Variants in PSD3 observed in about 807,000 individuals in gnomAD.
PSD3 encodes the protein PH and SEC7 domain-containing protein 3.
A neutral mutation model predicts 105.5 loss-of-function variants in PSD3; 49 were observed. That is an observed-to-expected ratio of 0.46 (90% confidence interval 0.37 to 0.59). The LOEUF (loss-of-function observed/expected upper bound fraction) is 0.59. PSD3 is among the 20% of genes least tolerant of loss of function. The probability of loss-of-function intolerance (pLI) is 0.00; values close to 1 mark genes in which losing one functional copy is unlikely to be tolerated. For missense variants in PSD3, 1,561 were observed against 1,263.8 expected (o/e 1.24, Z -3.57); for synonymous variants, 557 against 457.8 (o/e 1.22, Z -2.77).
chr8:18,596,296 G>C (rs1333341533), intron 12 of PSD3, among the ~76,000 whole-genome samples: 1 of 151,938 alleles, frequency 6.6e-6, no homozygotes, highest in Non-Finnish European at 1.5e-5. Context: ...CTTAACATTA[G>C]AAAAGAAGAA....
chr8:18,539,595 T>A (rs1303778446), intron 15 of PSD3, among the ~76,000 whole-genome samples: 1 of 150,344 alleles, frequency 6.7e-6, no homozygotes, highest in East Asian at 2.0e-4. Context: ...GTCTCCAGGC[T>A]GGAGGGCAGT....
intron 2 of PSD3, among the ~76,000 whole-genome samples, chr8:18,919,380 G>T (rs1018646417): frequency 1.3e-5 from 2 of 151,888 alleles, no homozygotes; most frequent in Non-Finnish European, 2.9e-5. Flanking sequence ...CACAGTTATT[G>T]CCCCTGACCC....
intron 1 of PSD3, among the ~76,000 whole-genome samples, chr8:18,955,569 T>G (rs1401984671): frequency 1.3e-5 from 2 of 152,170 alleles, no homozygotes; most frequent in African/African-American, 4.8e-5. Context: ...TTTCTTTACA[T>G]TCTTTTCTGA....
At chr8:18,947,176 C>T (rs150639459) in intron 1 of PSD3, among the ~76,000 whole-genome samples, 2,284 of 152,068 alleles carry the variant, frequency 0.015, 36 homozygotes, top group Middle Eastern at 0.088. Flanking sequence ...GAGAGCTTCA[C>T]GGACAAAACA....
At chr8:18,796,041 C>T (rs568917813) in intron 8 of PSD3, among the ~76,000 whole-genome samples, 38 of 152,114 alleles carry the variant, frequency 2.5e-4, no homozygotes, top group African/African-American at 3.9e-4. Context: ...ATTCACCACA[C>T]GACTACAATT....
chr8:18,667,827 C>G (rs1335907177), intron 9 of PSD3, among the ~76,000 whole-genome samples: 1 of 152,198 alleles, frequency 6.6e-6, no homozygotes, highest in Non-Finnish European at 1.5e-5. Flanking sequence ...AGCCCTGCCC[C>G]GCAGGGAGGC....
intron 9 of PSD3, among the ~76,000 whole-genome samples, chr8:18,700,428 A>G (rs2131034258): frequency 6.6e-6 from 1 of 152,364 alleles, no homozygotes; most frequent in East Asian, 1.9e-4. Context: ...CAAGCTCTTA[A>G]AGATATAACA....
chr8:18,675,097 G>T (rs560582201), intron 9 of PSD3, among the ~76,000 whole-genome samples: 2 of 152,276 alleles, frequency 1.3e-5, no homozygotes, highest in East Asian at 3.9e-4. Flanking sequence ...GTCAAGAGCT[G>T]CTTCTCTCAA....
At chr8:18,860,473 G>A (rs1192482858) in intron 4 of PSD3, among the ~76,000 whole-genome samples, 3 of 150,892 alleles carry the variant, frequency 2.0e-5, no homozygotes, top group African/African-American at 4.9e-5. Flanking sequence ...AAAAAAAACA[G>A]AGTATCTTCA....
At chr8:18,711,881 T>C (rs1470257726) in intron 9 of PSD3, among the ~76,000 whole-genome samples, 1 of 152,116 alleles carries the variant, frequency 6.6e-6, no homozygotes, top group African/African-American at 2.4e-5. Flanking sequence ...TAATTGGAAG[T>C]AAAACACTCC....
intron 8 of PSD3, among the ~76,000 whole-genome samples, chr8:18,778,937 G>C (rs1433737180): frequency 6.6e-6 from 1 of 151,942 alleles, no homozygotes; most frequent in Non-Finnish European, 1.5e-5. Context: ...ATCCTTATCT[G>C]GTTCTGGCAT....
intron 8 of PSD3, among the ~76,000 whole-genome samples, chr8:18,767,600 A>G (rs1418441343): frequency 1.3e-5 from 2 of 152,028 alleles, no homozygotes; most frequent in African/African-American, 2.4e-5. Flanking sequence ...TACATAAATT[A>G]GCCGGGTGCA....
chr8:18,747,792 C>T (rs1299483302), intron 9 of PSD3, among the ~76,000 whole-genome samples: 15 of 151,128 alleles, frequency 9.9e-5, no homozygotes, highest in African/African-American at 3.4e-4. Context: ...CAAGAAAAGG[C>T]TATTTTTCTT....
At chr8:18,790,157 A>G (rs1361282756) in intron 8 of PSD3, among the ~76,000 whole-genome samples, 2 of 152,156 alleles carry the variant, frequency 1.3e-5, no homozygotes, top group East Asian at 3.9e-4. Flanking sequence ...ATCCAACAAA[A>G]TTGACCAGTG....
At chr8:18,922,278 A>T (rs954015676) in intron 2 of PSD3, among the ~76,000 whole-genome samples, 2 of 152,176 alleles carry the variant, frequency 1.3e-5, no homozygotes, top group African/African-American at 4.8e-5. Flanking sequence ...GTAAGTCAAT[A>T]AAAGGCAAGC....
chr8:18,621,712 TG>T (rs1356993385), intron 11 of PSD3, among the ~76,000 whole-genome samples: 1 of 152,168 alleles, frequency 6.6e-6, no homozygotes, highest in Non-Finnish European at 1.5e-5. Context: ...CACACCCTGC[TG>T]CCAGAGAACA....
At chr8:18,782,050 C>T (rs1288679594) in intron 8 of PSD3, among the ~76,000 whole-genome samples, 1 of 152,056 alleles carries the variant, frequency 6.6e-6, no homozygotes, top group Non-Finnish European at 1.5e-5. Flanking sequence ...TTCTTTCTGA[C>T]ATCTTTGTTG....
chr8:18,801,362 G>C lies in PSD3; in HGVS notation c.1931C>G (p.Ser644Cys). ...QSLRYFFKAF[S>C]LVGETQERER... is the part of the protein sequence containing the mutation. ...TCGTTCTTGAGTTTCTCCCACAAGA[G>C]AGAATGCTTTAAAGAAATACCTACA... The change falls in exon 7 of 16, where the codon TCT (serine) becomes TGT (cysteine). Residue 644 changes from serine (S) to cysteine (C), a missense_variant. Ser to Cys is a moderately radical substitution (Grantham distance 112). Coordinates refer to ENST00000327040, the MANE Select transcript of PSD3 (RefSeq NM_015310.4). 6.2e-7 allele frequency: 1 copy of C among 1,601,518 alleles called. No individual in the cohort carries two copies. Among genetic ancestry groups the C allele is most frequent in the Non-Finnish European group, 8.5e-7 (1 of 1,171,528 alleles).
intron 1 of PSD3, among the ~76,000 whole-genome samples, chr8:19,029,699 A>T (rs1402054731): frequency 6.6e-6 from 1 of 152,194 alleles, no homozygotes; most frequent in Non-Finnish European, 1.5e-5. Flanking sequence ...TCAAGATGAG[A>T]TTTGGGTGGG....
Sources: allele counts gnomAD v4.1 joint callset (sites outside exome capture counted in the v4.1 genomes callset), GRCh38; gene constraint gnomAD v4.1.1; transcripts MANE v1.5; gene names NCBI Gene and HGNC (gene_info 2026-07-23, HGNC 2026-07-21).